Variants in CNOT2 observed in about 807,000 individuals in gnomAD.
CNOT2 encodes CCR4-NOT transcription complex subunit 2.
A neutral mutation model predicts 72.1 loss-of-function variants in CNOT2; 7 were observed. The ratio of observed to expected loss-of-function variants is 0.10; its 90% CI spans 0.06 to 0.18. CNOT2 has a LOEUF of 0.18. CNOT2 is among the 10% of genes least tolerant of loss of function. The pLI, the probability that CNOT2 is intolerant of heterozygous loss-of-function variation, is 1.00. For missense variants in CNOT2, 345 were observed against 660.3 expected, an observed-to-expected ratio of 0.52 and a Z score of 5.23; for synonymous variants, 196 against 225.6, an observed-to-expected ratio of 0.87 and a Z score of 1.17.
rs74101480 is a variant in CNOT2 at position 70,264,007 on chromosome 12, A to G, written c.-95-14125A>G. ...TTCCGATTGTCTTTTTCACTTATAT[A>G]TATCTGTTAAAACCTCTGCTTCTGT... is the stretch of plus-strand genomic sequence containing the variant. On this transcript the variant is annotated intron_variant, in intron 1 of 15. Coordinates refer to ENST00000229195, the MANE Select transcript of CNOT2 (RefSeq NM_014515.7). Among the ~76,000 whole-genome samples the G allele has an allele frequency of 8.4e-3, 1,272 of 152,278 alleles. 8 individuals carry two copies. The highest frequency in any genetic ancestry group is 0.024 in the African/African-American group (994 of 41,550).
chr12:70,302,230 A>C (rs1251530695), intron 2 of CNOT2, among the ~76,000 whole-genome samples: 2 of 151,346 alleles, frequency 1.3e-5, no homozygotes, highest in Non-Finnish European at 2.9e-5. Flanking sequence ...TTCTGCTCTG[A>C]TTTTAGTTAT....
At chr12:70,314,837 C>CTTGT (rs112288569) in intron 3 of CNOT2, among the ~76,000 whole-genome samples, 3,748 of 151,040 alleles carry the variant, frequency 0.025, 94 homozygotes, top group African/African-American at 0.066. Flanking sequence ...CTCTTTTGTT[C>CTTGT]TTGTTTGTTT....
At chr12:70,297,896 C>T (rs918909223) in intron 2 of CNOT2, 2 of 185,498 alleles carry the variant, frequency 1.1e-5, no homozygotes, top group Non-Finnish European at 2.3e-5. Context: ...ACCACCACGC[C>T]CAACTAATTT....
chr12:70,247,241 T>G (rs1169390577), intron 1 of CNOT2, among the ~76,000 whole-genome samples: 1 of 151,990 alleles, frequency 6.6e-6, no homozygotes, highest in Non-Finnish European at 1.5e-5. Context: ...CTTGGCTCGC[T>G]ACCACCTCCG....
chr12:70,318,499 T>C (rs1877731468), intron 3 of CNOT2, among the ~76,000 whole-genome samples: 1 of 151,926 alleles, frequency 6.6e-6, no homozygotes, highest in South Asian at 2.1e-4. Context: ...TTGTTACACT[T>C]ATACTCACTG....
intron 15 of CNOT2, 37 bp downstream of exon 15, chr12:70,346,361 A>G (rs764943075): frequency 1.3e-6 from 2 of 1,562,674 alleles, no homozygotes; most frequent in Non-Finnish European, 1.8e-6. Flanking sequence ...ATAAATCTAA[A>G]CTTGAAAAAA....
chr12:70,320,290 A>C (rs956326229), intron 4 of CNOT2, among the ~76,000 whole-genome samples: 1 of 151,778 alleles, frequency 6.6e-6, no homozygotes, highest in Non-Finnish European at 1.5e-5. Flanking sequence ...CAGTATAATG[A>C]AAAGCAAAGT....
At chr12:70,313,115 G>A (rs1054023193) in intron 3 of CNOT2, among the ~76,000 whole-genome samples, 5 of 151,916 alleles carry the variant, frequency 3.3e-5, no homozygotes, top group Admixed American at 2.6e-4. Context: ...TTGTTTTCAT[G>A]TACATACAGT....
At chr12:70,263,333 G>C (rs151083268) in intron 1 of CNOT2, among the ~76,000 whole-genome samples, 1 of 151,902 alleles carries the variant, frequency 6.6e-6, no homozygotes, top group Non-Finnish European at 1.5e-5. Context: ...TTACACATAT[G>C]TTGATTCACT....
chr12:70,314,032 GGT>G, intron 3 of CNOT2, among the ~76,000 whole-genome samples: 5 of 152,004 alleles, frequency 3.3e-5, no homozygotes, highest in African/African-American at 1.2e-4. Flanking sequence ...TTAAAAAAAT[GGT>G]TTTTGATTGT....
intron 11 of CNOT2, among the ~76,000 whole-genome samples, chr12:70,340,889 C>CTTTTTTTTTTTTTTTTTTTTT (rs55884675): frequency 1.2e-5 from 1 of 85,686 alleles, no homozygotes; most frequent in Non-Finnish European, 2.1e-5. Context: ...AACCCCAAAT[C>CTTTTTTTTTTTTTTTTTTTTT]TTTTTTTTTT....
At chr12:70,327,875 T>C (rs1879333429) in intron 4 of CNOT2, among the ~76,000 whole-genome samples, 4 of 151,874 alleles carry the variant, frequency 2.6e-5, no homozygotes, top group Admixed American at 1.3e-4. Context: ...AGAAAAATGG[T>C]GTGCTTTAGG....
chr12:70,283,003 A>G (rs1162103159), intron 2 of CNOT2, among the ~76,000 whole-genome samples: 1 of 152,220 alleles, frequency 6.6e-6, no homozygotes, highest in African/African-American at 2.4e-5. Context: ...ATATAAACAG[A>G]AACAAATGAA....
intron 1 of CNOT2, among the ~76,000 whole-genome samples, chr12:70,267,138 A>C (rs1959089890): frequency 6.6e-6 from 1 of 152,052 alleles, no homozygotes; most frequent in Admixed American, 6.5e-5. Flanking sequence ...GAATTTACTT[A>C]TTATGTCAGT....
At chr12:70,332,726 T>C in intron 6 of CNOT2, 41 bp from the exon 7 acceptor site, 2 of 1,552,782 alleles carry the variant, frequency 1.3e-6, no homozygotes, top group East Asian at 2.3e-5. Flanking sequence ...TGAAAGTTAG[T>C]GTTCTTACTG....
At chr12:70,337,635 T>C in intron 9 of CNOT2, 122 bp downstream of exon 9, 1 of 998,382 alleles carries the variant, frequency 1.0e-6, no homozygotes, top group Non-Finnish European at 1.5e-6. Flanking sequence ...TGTAATAACC[T>C]AACTTCTGAA....
At chr12:70,335,172 T>C (rs901432988) in intron 7 of CNOT2, 13 of 248,850 alleles carry the variant, frequency 5.2e-5, no homozygotes, top group Non-Finnish European at 9.3e-5. Context: ...GGGGGAAATA[T>C]ATGCTTTTTA....
intron 15 of CNOT2, among the ~76,000 whole-genome samples, chr12:70,348,885 G>C (rs1443527899): frequency 6.6e-6 from 1 of 151,594 alleles, no homozygotes; most frequent in Non-Finnish European, 1.5e-5. Context: ...ATTTAGCTCA[G>C]TTTTATCTAT....
At chr12:70,270,163 C>G (rs1014030395) in intron 1 of CNOT2, among the ~76,000 whole-genome samples, 2 of 152,074 alleles carry the variant, frequency 1.3e-5, no homozygotes, top group African/African-American at 4.8e-5. Context: ...TTTTTAAATA[C>G]TTGTTTCAAA....
Sources: gnomAD v4.1 joint callset for allele counts (sites outside exome capture counted in the v4.1 genomes callset) on GRCh38, gnomAD v4.1.1 for gene constraint, MANE v1.5 for transcripts, NCBI Gene and HGNC (gene_info 2026-07-23, HGNC 2026-07-21) for gene names.